Variants in RBMS2 observed in about 807,000 individuals in gnomAD.
RBMS2 encodes the protein RNA-binding motif, single-stranded-interacting protein 2.
In RBMS2, 38 loss-of-function variants were observed where a neutral mutation model predicts 58.4. That is an observed-to-expected ratio of 0.65 (90% CI 0.50 to 0.85). The LOEUF (loss-of-function observed/expected upper bound fraction) is 0.85. Ranked by LOEUF, RBMS2 falls within the 40% of genes least tolerant of loss-of-function variation. The pLI, the probability that RBMS2 is intolerant of heterozygous loss-of-function variation, is 0.00. For missense variants in RBMS2, 367 were observed against 503.7 expected, an observed-to-expected ratio of 0.73 and a Z score of 2.60; for synonymous variants, 151 against 180.7, an observed-to-expected ratio of 0.84 and a Z score of 1.32.
rs1444498175 is a variant in RBMS2 at position 56,595,325 on chromosome 12, A to C, written c.*6192A>C. 1 of 152,190 alleles carries C rather than the reference A, an allele frequency of 6.6e-6. No individual in the cohort carries two copies. The highest frequency in any genetic ancestry group is 1.5e-5 in the Non-Finnish European group (1 of 68,038). 9.4% of individuals were successfully genotyped at this position (152,190 alleles called of 1,614,324 possible). ...GGTAATACATATCCAGCGCGAGTGAAGTCCCCACTCCAACATATACCCTTT... is the reference window on the plus strand; with the variant it reads ...GGTAATACATATCCAGCGCGAGTGACGTCCCCACTCCAACATATACCCTTT... On this transcript the variant is annotated 3_prime_UTR_variant, in exon 14 of 14. Coordinates refer to ENST00000262031, the MANE Select transcript of RBMS2 (RefSeq NM_002898.4).
Position 56,587,674 on chromosome 12 carries a change from G to C in RBMS2, c.1062+10G>C. 6.2e-7 allele frequency: 1 copy of C among 1,611,242 alleles called. No individual in the cohort carries two copies. The highest frequency in any genetic ancestry group is 2.2e-5 in the East Asian group (1 of 44,842). Reference sequence around the variant, plus strand: ...CAGCAGCACAGGCACGGTAAAGCAGGATATTTCTGATTGTAAACTCTCCTA... The same window carrying C: ...CAGCAGCACAGGCACGGTAAAGCAGCATATTTCTGATTGTAAACTCTCCTA... On this transcript the variant is annotated intron_variant, in intron 11 of 13. Transcript: ENST00000262031.
chr12:56,530,545 A>G (rs115144969), intron 1 of RBMS2, among the ~76,000 whole-genome samples: 3,023 of 151,858 alleles, frequency 0.02, 122 homozygotes, highest in African/African-American at 0.068. Context: ...ATTTTTGTAC[A>G]GATGGGGTCC....
intron 1 of RBMS2, among the ~76,000 whole-genome samples, chr12:56,544,312 G>A (rs1295425005): frequency 2.6e-5 from 4 of 152,056 alleles, no homozygotes; most frequent in Admixed American, 1.3e-4. Flanking sequence ...GTTATGTGGC[G>A]TGTATTCTCT....
intron 1 of RBMS2, among the ~76,000 whole-genome samples, chr12:56,560,670 C>T (rs1366367088): frequency 6.6e-6 from 1 of 152,184 alleles, no homozygotes; most frequent in Non-Finnish European, 1.5e-5. Flanking sequence ...GCTGGGATTA[C>T]AGGTGTGAGC....
At position 56,586,944 on chromosome 12, in the gene RBMS2, G is replaced by A; in HGVS notation, c.951+18G>A. The stretch of plus-strand genomic sequence containing the variant: ...AGCCTTCAGTGAGTATTCAGAAGTG[G>A]GCAGAAGCCAAAGAGGCAATTTGAT... On this transcript the variant is annotated intron_variant, in intron 10 of 13. Transcript: ENST00000262031. 6.2e-7 allele frequency: 1 copy of A among 1,605,360 alleles called. No homozygotes were observed. The highest frequency in any genetic ancestry group is 1.1e-5 in the South Asian group (1 of 90,854).
chr12:56,559,202 C>T (rs891861433), intron 1 of RBMS2, among the ~76,000 whole-genome samples: 23 of 150,154 alleles, frequency 1.5e-4, no homozygotes, highest in African/African-American at 5.4e-4. Context: ...TTTTTGGAGA[C>T]AGAGTCTCGC....
intron 5 of RBMS2, among the ~76,000 whole-genome samples, chr12:56,577,389 C>A (rs923713024): frequency 6.6e-6 from 1 of 151,444 alleles, no homozygotes; most frequent in Non-Finnish European, 1.5e-5. Context: ...CCAGCCTGGA[C>A]AACAAGAGCG....
intron 7 of RBMS2, 111 bp from the exon 8 acceptor site, chr12:56,581,722 G>C: frequency 7.4e-7 from 1 of 1,351,180 alleles, no homozygotes; most frequent in African/African-American, 1.4e-5. Flanking sequence ...AGTGGGACTT[G>C]TCTAGGCTTT....
At chr12:56,547,764 T>C (rs1487947938) in intron 1 of RBMS2, among the ~76,000 whole-genome samples, 1 of 151,310 alleles carries the variant, frequency 6.6e-6, no homozygotes, top group Non-Finnish European at 1.5e-5. Context: ...TTCTCCTGCC[T>C]CAGCCTCCCA....
chr12:56,548,968 G>C (rs1221623132), intron 1 of RBMS2, among the ~76,000 whole-genome samples: 1 of 152,082 alleles, frequency 6.6e-6, no homozygotes, highest in African/African-American at 2.4e-5. Context: ...ATGAGCACTT[G>C]ATCGGAGAGC....
At chr12:56,524,358 A>G (rs931627183) in intron 1 of RBMS2, among the ~76,000 whole-genome samples, 1 of 152,126 alleles carries the variant, frequency 6.6e-6, no homozygotes, top group Admixed American at 6.6e-5. Context: ...GTGGCCATGC[A>G]TATGACTCCT....
intron 9 of RBMS2, among the ~76,000 whole-genome samples, chr12:56,583,564 G>A (rs928710402): frequency 9.2e-5 from 14 of 151,976 alleles, no homozygotes; most frequent in Non-Finnish European, 2.1e-4. Context: ...TGAGGCCAGA[G>A]AATTGCTTGA....
intron 1 of RBMS2, among the ~76,000 whole-genome samples, chr12:56,536,168 C>T (rs890911410): frequency 1.4e-5 from 2 of 138,814 alleles, no homozygotes; most frequent in Non-Finnish European, 3.0e-5. Flanking sequence ...CCATTGCACT[C>T]CAGCCTGGGT....
At chr12:56,540,481 C>G (rs1015560871) in intron 1 of RBMS2, among the ~76,000 whole-genome samples, 1 of 152,106 alleles carries the variant, frequency 6.6e-6, no homozygotes, top group African/African-American at 2.4e-5. Context: ...TCAGGTGATC[C>G]TCCTGCCTTA....
At chr12:56,579,905 A>G (rs1383940836) in intron 5 of RBMS2, among the ~76,000 whole-genome samples, 2 of 152,000 alleles carry the variant, frequency 1.3e-5, no homozygotes, top group Non-Finnish European at 2.9e-5. Context: ...GGAGTAGATC[A>G]GAGGGGTTTT....
intron 5 of RBMS2, among the ~76,000 whole-genome samples, chr12:56,576,066 G>C (rs558749838): frequency 1.3e-5 from 2 of 151,920 alleles, no homozygotes; most frequent in Non-Finnish European, 2.9e-5. Context: ...GGCTGGGCTC[G>C]GTGGCTCATG....
chr12:56,532,131 A>C (rs1029076795), intron 1 of RBMS2, among the ~76,000 whole-genome samples: 1 of 152,078 alleles, frequency 6.6e-6, no homozygotes, highest in African/African-American at 2.4e-5. Flanking sequence ...AGCCAGGAGA[A>C]TCGCTTGAAC....
chr12:56,573,814 C>A (rs1454112023), intron 5 of RBMS2, among the ~76,000 whole-genome samples: 2 of 151,240 alleles, frequency 1.3e-5, no homozygotes, highest in African/African-American at 2.4e-5. Context: ...CGTACCACCA[C>A]GCCTGGCTAA....
chr12:56,545,755 A>G (rs1225637050), intron 1 of RBMS2, among the ~76,000 whole-genome samples: 2 of 152,138 alleles, frequency 1.3e-5, no homozygotes, highest in African/African-American at 4.8e-5. Context: ...ACCATGTATC[A>G]GTACTTTCTT....
Sources: gnomAD v4.1 joint callset for allele counts (sites outside exome capture counted in the v4.1 genomes callset) on GRCh38, gnomAD v4.1.1 for gene constraint, MANE v1.5 for transcripts, NCBI Gene and HGNC (gene_info 2026-07-23, HGNC 2026-07-21) for gene names.